The following N4BP2L2 variants were observed in gnomAD, a reference collection of about 807,000 sequenced individuals.
The protein encoded by N4BP2L2 is NEDD4 binding protein 2 like 2, also known as NEDD4-binding protein 2-like 2.
N4BP2L2 carries 50 observed loss-of-function variants against 56.2 expected under a neutral mutation model. That is an observed-to-expected ratio of 0.89 (90% CI 0.71 to 1.13). The LOEUF is 1.13. N4BP2L2 is among the 50% of genes most tolerant of loss of function. N4BP2L2 has a pLI of 0.00. For synonymous variants in N4BP2L2, 203 were observed against 223.6 expected (o/e 0.91, Z 0.82); for missense variants, 689 against 693.8 (o/e 0.99, Z 0.08).
exon 7 of N4BP2L2, chr13:32,442,979 T>C: frequency 6.2e-7 from 1 of 1,613,872 alleles, no homozygotes; most frequent in Non-Finnish European, 8.5e-7. Context: ...CCATGGTTTT[T>C]TGTTAACAGG....
intron 6 of N4BP2L2, among the ~76,000 whole-genome samples, chr13:32,494,236 T>C (rs2087910569): frequency 6.6e-6 from 1 of 151,824 alleles, no homozygotes; most frequent in African/African-American, 2.4e-5. Context: ...TGAGCCAAGA[T>C]TGCGTCACTC....
intron 6 of N4BP2L2, among the ~76,000 whole-genome samples, chr13:32,448,231 T>C (rs2077332246): frequency 6.6e-6 from 1 of 152,126 alleles, no homozygotes; most frequent in Non-Finnish European, 1.5e-5. Flanking sequence ...TGATAACTTC[T>C]GCTTGAATGT....
intron 6 of N4BP2L2, chr13:32,446,560 G>A: frequency 7.9e-7 from 1 of 1,267,502 alleles, no homozygotes; most frequent in South Asian, 1.3e-5. Context: ...AAATACTAAT[G>A]ACGTAAGAGA....
At chr13:32,491,854 T>G (rs1274247081) in intron 6 of N4BP2L2, among the ~76,000 whole-genome samples, 2 of 151,768 alleles carry the variant, frequency 1.3e-5, no homozygotes, top group South Asian at 4.1e-4. Flanking sequence ...ATGGTCTCGA[T>G]CTCCTGACTT....
chr13:32,518,002 T>C (rs2049629290), exon 6 of N4BP2L2: 2 of 1,611,296 alleles, frequency 1.2e-6, no homozygotes, highest in South Asian at 1.1e-5. Context: ...TGTTTATTCC[T>C]CCTAACAAAA....
intron 6 of N4BP2L2, among the ~76,000 whole-genome samples, chr13:32,451,317 A>G (rs944831767): frequency 6.6e-6 from 1 of 152,002 alleles, no homozygotes; most frequent in Non-Finnish European, 1.5e-5. Context: ...TCTTTTAAGT[A>G]GAAGAAAGAG....
Position 32,492,615 on chromosome 13 carries a change from C to T in N4BP2L2, c.365+25242G>A, listed in dbSNP as rs371679324. 6.6e-5 allele frequency among the ~76,000 whole-genome samples: 10 copies of T among 152,100 alleles called. No homozygotes were observed. The East Asian group carries it at 1.9e-3, about 29-fold the overall frequency. ...TTAAGTAAATTCCATTAGTAACAGG[C>T]GCACTATTAAGACAGCCCGATTTAC... On this transcript the variant is annotated intron_variant, in intron 6 of 9. Transcript: ENST00000357505.
At chr13:32,507,684 C>G (rs1009891294), downstream of N4BP2L2, 1 of 152,024 alleles carries the variant, frequency 6.6e-6, no homozygotes, top group Non-Finnish European at 1.5e-5. Context: ...ATCTGAAGAA[C>G]AGTTCAAAGA....
intron 9 of N4BP2L2, among the ~76,000 whole-genome samples, chr13:32,434,350 A>G (rs2075228804): frequency 6.7e-6 from 1 of 148,950 alleles, no homozygotes; most frequent in African/African-American, 2.5e-5. Context: ...TGCCAGCCTC[A>G]GCCTCCCAAA....
intron 6 of N4BP2L2, among the ~76,000 whole-genome samples, chr13:32,454,525 C>T (rs2078631234): frequency 6.6e-6 from 1 of 151,840 alleles, no homozygotes; most frequent in Middle Eastern, 3.2e-3. Flanking sequence ...GTGGCCTATA[C>T]ACAGGAAAAA....
downstream of N4BP2L2, chr13:32,506,058 T>TG (rs545777723): frequency 1.4e-4 from 22 of 152,344 alleles, no homozygotes; most frequent in East Asian, 3.7e-3. Flanking sequence ...TATCACAGAT[T>TG]GGGTAGTTTA....
chr13:32,523,683 C>CAA (rs56815965), intron 3 of N4BP2L2: 1,345 of 68,944 alleles, frequency 0.02, 35 homozygotes, highest in African/African-American at 0.054. Context: ...GACTCCGTCT[C>CAA]AAAAAAAAAA....
chr13:32,476,034 A>G (rs763800740), intron 6 of N4BP2L2, among the ~76,000 whole-genome samples: 1 of 152,228 alleles, frequency 6.6e-6, no homozygotes. Flanking sequence ...TTACATTTCC[A>G]GGAATGTAGT....
At chr13:32,477,633 C>A in intron 6 of N4BP2L2, 1 of 324,762 alleles carries the variant, frequency 3.1e-6, no homozygotes, top group Non-Finnish European at 6.1e-6. Flanking sequence ...AGATCTAAAG[C>A]TACAGCAGGC....
chr13:32,480,204 A>G (rs2084314035), intron 6 of N4BP2L2, among the ~76,000 whole-genome samples: 1 of 152,230 alleles, frequency 6.6e-6, no homozygotes, highest in African/African-American at 2.4e-5. Context: ...GAGGAAGAAG[A>G]CAGTGGAATA....
intron 6 of N4BP2L2, among the ~76,000 whole-genome samples, chr13:32,504,229 G>A (rs181805706): frequency 5.3e-5 from 8 of 152,310 alleles, no homozygotes; most frequent in Non-Finnish European, 1.0e-4. Context: ...AGTGTTAAGA[G>A]CTGCGTATTT....
At chr13:32,495,988 C>A (rs1055299326) in intron 6 of N4BP2L2, among the ~76,000 whole-genome samples, 7 of 152,074 alleles carry the variant, frequency 4.6e-5, no homozygotes, top group Non-Finnish European at 8.8e-5. Flanking sequence ...CCGCCGGTGC[C>A]TTTTGACTCC....
chr13:32,493,643 A>G (rs1043157097), intron 6 of N4BP2L2, among the ~76,000 whole-genome samples: 11 of 152,184 alleles, frequency 7.2e-5, no homozygotes, highest in Admixed American at 2.0e-4. Context: ...TTGAAAGTGG[A>G]TACAAAATCA....
intron 5 of N4BP2L2, among the ~76,000 whole-genome samples, chr13:32,518,565 A>T (rs780504248): frequency 5.3e-5 from 8 of 152,182 alleles, no homozygotes; most frequent in Non-Finnish European, 8.8e-5. Context: ...TAAAGCTTTG[A>T]TAAAAGGCAA....
Sources: allele counts gnomAD v4.1 joint callset (sites outside exome capture counted in the v4.1 genomes callset), GRCh38; gene constraint gnomAD v4.1.1; transcripts MANE v1.5; gene names NCBI Gene and HGNC (gene_info 2026-07-23, HGNC 2026-07-21).